Variants in SVEP1 observed in about 807,000 individuals in gnomAD.
The protein encoded by SVEP1 is sushi, von Willebrand factor type A, EGF and pentraxin domain-containing protein 1.
In SVEP1, 164 loss-of-function variants were observed where a neutral mutation model predicts 367.3. That is an observed-to-expected ratio of 0.45 (90% confidence interval 0.39 to 0.51). The LOEUF is 0.51. Ranked by LOEUF, SVEP1 falls within the 20% of genes least tolerant of loss-of-function variation. The probability of loss-of-function intolerance (pLI) is 0.00; values close to 1 mark genes in which losing one functional copy is unlikely to be tolerated. For synonymous variants in SVEP1, 1,666 were observed against 1,611.6 expected, an observed-to-expected ratio of 1.03 and a Z score of -0.81; for missense variants, 4,117 against 4,425.3, an observed-to-expected ratio of 0.93 and a Z score of 1.98.
At chr9:110,547,559 A>C (rs1830235784) in intron 2 of SVEP1, among the ~76,000 whole-genome samples, 1 of 152,190 alleles carries the variant, frequency 6.6e-6, no homozygotes. Flanking sequence ...CCTGTGTGAC[A>C]GAATGAGACC....
At chr9:110,491,208 TTTC>T (rs1829360654) in intron 8 of SVEP1, among the ~76,000 whole-genome samples, 1 of 151,832 alleles carries the variant, frequency 6.6e-6, no homozygotes, top group African/African-American at 2.4e-5. Flanking sequence ...GAACCAGTTG[TTTC>T]TTATTATTCT....
chr9:110,448,175 G>GCA (rs1363670050), intron 24 of SVEP1, among the ~76,000 whole-genome samples: 2 of 142,780 alleles, frequency 1.4e-5, no homozygotes, highest in African/African-American at 5.5e-5. Flanking sequence ...GCGCGCTCGC[G>GCA]CGTGTGTATG....
At chr9:110,453,812 T>C (rs370723535) in intron 22 of SVEP1, among the ~76,000 whole-genome samples, 133 of 151,200 alleles carry the variant, frequency 8.8e-4, no homozygotes, top group East Asian at 6.6e-3. Flanking sequence ...GAGGTTGTAG[T>C]GAGCCGAGAT....
chr9:110,492,123 ATAC>A (rs1326387479), intron 8 of SVEP1, among the ~76,000 whole-genome samples: 1 of 152,192 alleles, frequency 6.6e-6, no homozygotes, highest in Non-Finnish European at 1.5e-5. Context: ...CCACCTGTAT[ATAC>A]TTTTTCTGAA....
chr9:110,529,680 T>C (rs1211942505), intron 3 of SVEP1, among the ~76,000 whole-genome samples: 1 of 152,132 alleles, frequency 6.6e-6, no homozygotes, highest in Non-Finnish European at 1.5e-5. Context: ...TTGGTGGTGG[T>C]GTATAGCAGT....
At chr9:110,494,688 TTC>T (rs1163130027) in intron 8 of SVEP1, among the ~76,000 whole-genome samples, 1 of 152,064 alleles carries the variant, frequency 6.6e-6, no homozygotes, top group Non-Finnish European at 1.5e-5. Flanking sequence ...GCATCGTGAG[TTC>T]TTTCTTTTTA....
chr9:110,427,459 A>G (rs1199316634), intron 36 of SVEP1, 132 bp downstream of exon 36: 1 of 1,099,772 alleles, frequency 9.1e-7, no homozygotes, highest in South Asian at 1.7e-5. Flanking sequence ...GGTAGGAAAT[A>G]AAAGCATAAG....
At position 110,408,226 on chromosome 9, in the gene SVEP1, A is replaced by C. The variant is rs762038444; in HGVS notation, c.7374T>G (p.Tyr2458Ter). 2 of 1,614,012 alleles carry C rather than the reference A, an allele frequency of 1.2e-6. No homozygotes were observed. The highest frequency in any genetic ancestry group is 1.7e-6 in the Non-Finnish European group (2 of 1,179,894). ...NGIIDVQGLA[Y>*]LSTALYTCKP... is the part of the protein sequence containing the mutation. ...TGCAGGTATAGAGAGCTGTGCTGAG[A>C]TAGGCAAGGCCTTGCACATCAATGA... Residue 2458 changes from tyrosine (Y) to a stop codon, truncating the protein, a stop_gained, in exon 38 of 48, where the codon TAT (tyrosine) becomes TAG (stop). Transcript: ENST00000374469. LOFTEE classifies it high-confidence loss of function.
At chr9:110,492,158 A>G (rs1039047521) in intron 8 of SVEP1, among the ~76,000 whole-genome samples, 2 of 152,188 alleles carry the variant, frequency 1.3e-5, no homozygotes, top group African/African-American at 4.8e-5. Context: ...TGAACCTACC[A>G]AATGAGATGA....
intron 23 of SVEP1, among the ~76,000 whole-genome samples, chr9:110,450,468 T>G (rs917870659): frequency 4.4e-5 from 1 of 22,636 alleles, no homozygotes; most frequent in Admixed American, 4.3e-4. Flanking sequence ...TGATAATCTG[T>G]TTTTTTTTTT....
chr9:110,509,147 C>T (rs941945435), intron 5 of SVEP1, among the ~76,000 whole-genome samples: 1 of 152,130 alleles, frequency 6.6e-6, no homozygotes, highest in Non-Finnish European at 1.5e-5. Flanking sequence ...ATTTTATGTG[C>T]CACTAACAAA....
intron 2 of SVEP1, among the ~76,000 whole-genome samples, chr9:110,549,145 T>C (rs1351343368): frequency 6.6e-6 from 1 of 152,194 alleles, no homozygotes. Context: ...CTGTGATTTC[T>C]TCCTAGTCTG....
intron 3 of SVEP1, among the ~76,000 whole-genome samples, chr9:110,544,572 T>A (rs10980436): frequency 0.12 from 18,213 of 152,188 alleles, 1,449 homozygotes; most frequent in East Asian, 0.33. Context: ...GATCTTCTTA[T>A]AAGAAAACCT....
chr9:110,567,518 T>G (rs932808617), intron 1 of SVEP1, among the ~76,000 whole-genome samples: 4 of 152,220 alleles, frequency 2.6e-5, no homozygotes, highest in Non-Finnish European at 5.9e-5. Flanking sequence ...AAAAAGGCAT[T>G]GGTCCTTTCT....
At chr9:110,452,619 A>C (rs1468607298) in intron 22 of SVEP1, among the ~76,000 whole-genome samples, 1 of 152,232 alleles carries the variant, frequency 6.6e-6, no homozygotes, top group Non-Finnish European at 1.5e-5. Context: ...GTCTCACAGC[A>C]TGTGGACCTC....
chr9:110,532,705 C>T (rs189400149), intron 3 of SVEP1, among the ~76,000 whole-genome samples: 239 of 152,144 alleles, frequency 1.6e-3, no homozygotes, highest in African/African-American at 5.5e-3. Context: ...GGTTTCTTAA[C>T]GTCAATATTA....
chr9:110,375,219 G>T (rs774218904), intron 46 of SVEP1, 149 bp downstream of exon 46: 6 of 684,474 alleles, frequency 8.8e-6, no homozygotes, highest in Non-Finnish European at 9.7e-6. Flanking sequence ...GTTGAGACAC[G>T]AATCAAGGGA....
intron 24 of SVEP1, 82 bp from the exon 25 acceptor site, chr9:110,447,139 T>A: frequency 1.6e-6 from 2 of 1,245,332 alleles, no homozygotes; most frequent in Middle Eastern, 2.5e-4. Flanking sequence ...CGAAAGACTT[T>A]GAAAATTGAA....
intron 12 of SVEP1, among the ~76,000 whole-genome samples, chr9:110,481,032 T>A (rs1480486457): frequency 6.6e-6 from 1 of 152,192 alleles, no homozygotes; most frequent in Non-Finnish European, 1.5e-5. Flanking sequence ...TTAAACTGAA[T>A]CTTGTCCTAC....
Sources: gnomAD v4.1 joint callset for allele counts (sites outside exome capture counted in the v4.1 genomes callset) on GRCh38, gnomAD v4.1.1 for gene constraint, MANE v1.5 for transcripts, NCBI Gene and HGNC (gene_info 2026-07-23, HGNC 2026-07-21) for gene names.